Variants in NCOR2 observed in about 807,000 individuals in gnomAD.
The protein encoded by NCOR2 is CTG repeat protein 26.
A neutral mutation model predicts 262.9 loss-of-function variants in NCOR2; 81 were observed. The ratio of observed to expected loss-of-function variants is 0.31; its 90% CI spans 0.26 to 0.37. NCOR2 has a LOEUF of 0.37. NCOR2 is among the 10% of genes least tolerant of loss of function. NCOR2 has a pLI of 1.00. For missense variants in NCOR2, 3,385 were observed against 3,621.4 expected (o/e 0.93, Z 1.68); for synonymous variants, 1,659 against 1,559.3 (o/e 1.06, Z -1.51).
rs2041081896 is a variant in NCOR2, at chr12:124,389,221, G to A, written c.1877-3334C>T. 6.6e-6 allele frequency among the ~76,000 whole-genome samples: 1 copy of A among 152,260 alleles called. No homozygotes were observed. Among genetic ancestry groups the A allele is most frequent in the Non-Finnish European group, 1.5e-5 (1 of 68,044 alleles). ...CCAGAGCCCACAGACCCCCGGGCCG[G>A]GCAAAATCCAAGGACCCAGGCCCAG... On this transcript the variant is annotated intron_variant, in intron 16 of 46. Transcript: ENST00000405201. The surrounding 1 kb of genome is among the most constrained non-coding windows in gnomAD (Gnocchi z 4.4).
chr12:124,403,644 G>A (rs1413027725), intron 13 of NCOR2, among the ~76,000 whole-genome samples: 4 of 152,160 alleles, frequency 2.6e-5, no homozygotes, highest in East Asian at 1.9e-4. Context: ...GCACAGTCAC[G>A]GCAATGTTTC....
chr12:124,382,286 G>A (rs563169189), intron 17 of NCOR2, among the ~76,000 whole-genome samples: 41 of 152,304 alleles, frequency 2.7e-4, no homozygotes, highest in African/African-American at 9.4e-4. Context: ...CTGTCAAGAC[G>A]GATGGCCTGG....
At chr12:124,550,229 G>A (rs1453783643) in intron 1 of NCOR2, among the ~76,000 whole-genome samples, 1 of 152,180 alleles carries the variant, frequency 6.6e-6, no homozygotes, top group African/African-American at 2.4e-5. Flanking sequence ...GCATGAGAGT[G>A]TCAGTTGGGC....
rs1028612630 is a variant in NCOR2 at position 124,402,278 on chromosome 12, C to T, written c.1640+126G>A. 1.3e-5 allele frequency: 20 copies of T among 1,519,492 alleles called. No individual in the cohort carries two copies. In the South Asian group the frequency reaches 2.4e-4, roughly 19 times the overall value. The allele number at this position is 1,519,492 out of a possible 1,614,324, so 94.1% of individuals were successfully genotyped here. A position where few individuals can be genotyped will look rare whatever the true frequency, so the allele number is the denominator to read the frequency against. On this transcript the variant is annotated intron_variant, in intron 14 of 46. Coordinates refer to ENST00000405201, the Ensembl canonical transcript of NCOR2. ...CTGTCAGGGGCAAACGAGCAGAAAG[C>T]CCTCCCCCCTGCTCACAGGCAATTG...
At chr12:124,500,163 G>A (rs771872281), upstream of NCOR2, among the ~76,000 whole-genome samples, 17 of 146,438 alleles carry the variant, frequency 1.2e-4, no homozygotes, top group South Asian at 2.2e-4. Flanking sequence ...TCAGGTGGCC[G>A]GGATACCCAA....
rs993492414 is a variant in NCOR2 at position 124,483,737 on chromosome 12, T to G, written c.270A>C (p.Ser90=). Reference sequence around the variant, plus strand: ...CTGACTTCCCCAGCTCGGGCAGGTATGAGTGGGACTCTGGCCGCAGGTGGA... The same window carrying G: ...CTGACTTCCCCAGCTCGGGCAGGTAGGAGTGGGACTCTGGCCGCAGGTGGA... The change falls in exon 3 of 47, where the codon TCA becomes TCC. Residue 90 remains serine (S), a synonymous_variant. Coordinates refer to ENST00000405201, the Ensembl canonical transcript of NCOR2. The surrounding 1 kb of genome is among the most constrained non-coding windows in gnomAD (Gnocchi z 6.3). The G allele has an allele frequency of 6.2e-7, 1 of 1,610,510 alleles. No homozygotes were observed. Among genetic ancestry groups the G allele is most frequent in the Non-Finnish European group, 8.5e-7 (1 of 1,178,398 alleles).
In NCOR2 at chr12:124,531,353, C is replaced by T. The variant is rs565253991; in HGVS notation, c.-118+4212G>A. Among the ~76,000 whole-genome samples, 47 of 152,284 alleles carry T rather than the reference C, an allele frequency of 3.1e-4. No homozygotes were observed. Among genetic ancestry groups the T allele is most frequent in the East Asian group, 1.4e-3 (7 of 5,172 alleles). On this transcript the variant is annotated intron_variant, in intron 1 of 46. Transcript: ENST00000404621. This position sits in a 1 kb window ranked among gnomAD's most constrained non-coding sequence, Gnocchi z 4.5. ...TGGCAGGGCAGGCGCCTGGAGCCAA[C>T]GGCAGGAGGGGCATCCCCCGGGCCC... is the stretch of plus-strand genomic sequence containing the variant.
chr12:124,411,260 G>A (rs747265209), intron 13 of NCOR2, among the ~76,000 whole-genome samples: 16 of 151,832 alleles, frequency 1.1e-4, no homozygotes, highest in Non-Finnish European at 1.8e-4. Context: ...ACCCGTGTGC[G>A]CGCATACACA....
At chr12:124,354,802 C>A (rs1276962010) in intron 25 of NCOR2, 35 bp downstream of exon 27, 2 of 1,596,938 alleles carry the variant, frequency 1.3e-6, no homozygotes, top group African/African-American at 2.7e-5. Context: ...AGAGCCCAGC[C>A]TGAGCCACCC....
In NCOR2 at chr12:124,372,035, C is replaced by T. The variant is rs1314682260; in HGVS notation, c.2794G>A (p.Gly932Ser). 34 of 1,589,604 alleles carry T rather than the reference C, an allele frequency of 2.1e-5. 1 individual carries two copies. The highest frequency in any genetic ancestry group is 2.0e-4 in the South Asian group (18 of 89,694). Residue 932 changes from glycine to serine, a missense_variant, in exon 20 of 47, where the codon GGC becomes AGC. Gly to Ser is a moderately conservative substitution (Grantham distance 56, BLOSUM62 0). Coordinates refer to ENST00000405201, the Ensembl canonical transcript of NCOR2. The stretch of plus-strand genomic sequence containing the variant: ...GCGCCCACTCACCGGTTCTTGTCGC[C>T]GCCCTCGGCCTCATCCACCTCGTCT...
chr12:124,334,044 A>G (rs1341480161), intron 41 of NCOR2, among the ~76,000 whole-genome samples: 1 of 101,864 alleles, frequency 9.8e-6, no homozygotes, highest in Non-Finnish European at 2.6e-5. Context: ...GCTGCTCTCT[A>G]ATCATACAGC....
At chr12:124,412,167 G>A (rs1009048653) in intron 13 of NCOR2, among the ~76,000 whole-genome samples, 4 of 152,376 alleles carry the variant, frequency 2.6e-5, no homozygotes, top group Admixed American at 1.3e-4. Flanking sequence ...GTCCAGAGAC[G>A]TCCCATGGCC....
intron 1 of NCOR2, among the ~76,000 whole-genome samples, chr12:124,557,851 AC>A (rs2051933483): frequency 6.6e-6 from 1 of 151,802 alleles, no homozygotes; most frequent in African/African-American, 2.4e-5. Flanking sequence ...CCAAATCCTG[AC>A]CCTGTGGACC....
At chr12:124,450,998 G>A (rs2045489661) in intron 6 of NCOR2, among the ~76,000 whole-genome samples, 1 of 152,268 alleles carries the variant, frequency 6.6e-6, no homozygotes, top group Non-Finnish European at 1.5e-5. Context: ...AGGGAGCAGT[G>A]GCTGTGCTAA....
At chr12:124,336,973 C>A (rs781638122) in exon 38 of NCOR2, 2 of 1,520,586 alleles carry the variant, frequency 1.3e-6, no homozygotes, top group Non-Finnish European at 1.8e-6. Context: ...CGGGCTCCAG[C>A]CCGGAGCGGG....
At chr12:124,473,989 T>C (rs2046961466) in intron 3 of NCOR2, among the ~76,000 whole-genome samples, 1 of 152,200 alleles carries the variant, frequency 6.6e-6, no homozygotes, top group Non-Finnish European at 1.5e-5. Flanking sequence ...GCGGTTCAAA[T>C]GCTCTTGCTA....
At chr12:124,415,400 A>C (rs561739909) in intron 13 of NCOR2, among the ~76,000 whole-genome samples, 2 of 152,364 alleles carry the variant, frequency 1.3e-5, no homozygotes, top group East Asian at 3.9e-4. Flanking sequence ...AGACAGGCTG[A>C]GCCTGAAGCT....
intron 1 of NCOR2, among the ~76,000 whole-genome samples, chr12:124,545,070 A>G: frequency 6.6e-6 from 1 of 152,062 alleles, no homozygotes; most frequent in Non-Finnish European, 1.5e-5. Context: ...ACAACCTGGC[A>G]CCCAGCAGTG....
chr12:124,485,725 G>T (rs916525771), intron 2 of NCOR2, among the ~76,000 whole-genome samples: 4 of 152,156 alleles, frequency 2.6e-5, no homozygotes, highest in Non-Finnish European at 5.9e-5. Context: ...CTGGTGCCTC[G>T]ACTTCTAGTC....
Sources: gnomAD v4.1 joint callset for allele counts (sites outside exome capture counted in the v4.1 genomes callset) on GRCh38, gnomAD v4.1.1 for gene constraint, Gnocchi (gnomAD v3.1) non-coding constraint, MANE v1.5 for transcripts, NCBI Gene and HGNC (gene_info 2026-07-23, HGNC 2026-07-21) for gene names.